Variants in FAM53B observed in about 807,000 individuals in gnomAD.
FAM53B encodes the protein protein FAM53B.
In FAM53B, 12 loss-of-function variants were observed where a neutral mutation model predicts 32.7. That is an observed-to-expected ratio of 0.37 (90% CI 0.24 to 0.59). The LOEUF is 0.59. Ranked by LOEUF, FAM53B falls within the 20% of genes least tolerant of loss-of-function variation. FAM53B has a pLI of 0.72. For missense variants in FAM53B, 477 were observed against 577.7 expected, an observed-to-expected ratio of 0.83 and a Z score of 1.79; for synonymous variants, 234 against 228.7, an observed-to-expected ratio of 1.02 and a Z score of -0.21.
At chr10:124,672,157 T>C (rs754322394) in intron 4 of FAM53B, among the ~76,000 whole-genome samples, 9 of 152,246 alleles carry the variant, frequency 5.9e-5, no homozygotes, top group Non-Finnish European at 1.0e-4. Flanking sequence ...TTCACACTGA[T>C]GGACCCACAA....
Position 124,696,195 on chromosome 10 carries a change from C to T in FAM53B, c.96G>A (p.Met32Ile). ...FSRELHTPKK[M>I]SQGPTLFSCG... is the part of the protein sequence containing the mutation. ...AAGAGAAAAGTGTAGGTCCTTGACT[C>T]ATCTTCTTTGGCGTGTGCTGAAAAC... The change falls in exon 3 of 5, where the codon ATG becomes ATA. Residue 32 changes from methionine to isoleucine, a missense_variant. Met to Ile is a conservative substitution (Grantham distance 10). This residue lies in a region of FAM53B where 312 missense variants were observed against 420.2 expected (regional missense o/e 0.74). Coordinates refer to ENST00000337318, the MANE Select transcript of FAM53B (RefSeq NM_014661.4). The T allele has an allele frequency of 6.2e-7, 1 of 1,614,084 alleles. No homozygotes were observed. Among genetic ancestry groups the T allele is most frequent in the Non-Finnish European group, 8.5e-7 (1 of 1,179,966 alleles).
intron 1 of FAM53B, chr10:124,742,412 G>C (rs1950205205): frequency 6.6e-6 from 1 of 152,150 alleles, no homozygotes; most frequent in Admixed American, 6.5e-5. Context: ...GCCTAATAAG[G>C]AACAGTGAGT....
At chr10:124,691,466 A>C (rs1949832052) in intron 3 of FAM53B, among the ~76,000 whole-genome samples, 1 of 152,262 alleles carries the variant, frequency 6.6e-6, no homozygotes, top group South Asian at 2.1e-4. Flanking sequence ...CTCCTAAAGT[A>C]ATTATGGGTT....
chr10:124,690,530 C>T (rs911391699), intron 3 of FAM53B, among the ~76,000 whole-genome samples: 1 of 152,220 alleles, frequency 6.6e-6, no homozygotes, highest in Non-Finnish European at 1.5e-5. Flanking sequence ...GTCCCCTCCC[C>T]ATCAGGTGAG....
intron 2 of FAM53B, among the ~76,000 whole-genome samples, chr10:124,701,419 G>A (rs76151185): frequency 0.052 from 7,898 of 152,322 alleles, 665 homozygotes; most frequent in African/African-American, 0.18. Context: ...GCAGCCTGGA[G>A]CTCCATGCTG....
intron 4 of FAM53B, among the ~76,000 whole-genome samples, chr10:124,664,574 T>C (rs1949656726): frequency 6.6e-6 from 1 of 152,194 alleles, no homozygotes; most frequent in Non-Finnish European, 1.5e-5. Flanking sequence ...TCTGCGCAGA[T>C]GGCACAAAGC....
intron 4 of FAM53B, among the ~76,000 whole-genome samples, chr10:124,675,525 G>A (rs535635303): frequency 1.1e-4 from 17 of 152,240 alleles, no homozygotes; most frequent in Non-Finnish European, 2.4e-4. Flanking sequence ...CCGTGTGCCA[G>A]ATCCATGCGA....
At chr10:124,740,886 C>T (rs1222480306) in intron 1 of FAM53B, among the ~76,000 whole-genome samples, 1 of 152,178 alleles carries the variant, frequency 6.6e-6, no homozygotes, top group East Asian at 1.9e-4. Context: ...AGCTAAGCTT[C>T]GCTGAGCCCC....
intron 4 of FAM53B, among the ~76,000 whole-genome samples, chr10:124,661,056 TAAAAAA>T (rs57830542): frequency 4.6e-5 from 6 of 130,532 alleles, no homozygotes; most frequent in Admixed American, 7.8e-5. Flanking sequence ...CTACTGAAAT[TAAAAAA>T]AAAAAAAAAA....
At chr10:124,669,350 G>C (rs561786079) in intron 4 of FAM53B, among the ~76,000 whole-genome samples, 2 of 152,274 alleles carry the variant, frequency 1.3e-5, no homozygotes, top group East Asian at 3.9e-4. Flanking sequence ...CAGAACTAAA[G>C]CGCTCTTCCA....
intron 1 of FAM53B, among the ~76,000 whole-genome samples, chr10:124,709,681 T>C (rs1006948047): frequency 6.6e-6 from 1 of 152,090 alleles, no homozygotes; most frequent in African/African-American, 2.4e-5. Flanking sequence ...ATTACGGTGT[T>C]GTTACATAAG....
intron 4 of FAM53B, among the ~76,000 whole-genome samples, chr10:124,679,414 G>A (rs951350046): frequency 6.6e-6 from 1 of 152,200 alleles, no homozygotes; most frequent in African/African-American, 2.4e-5. Context: ...ACTCGCCAGG[G>A]CTCTTGATAA....
chr10:124,667,145 C>T (rs1187807091), intron 4 of FAM53B: 1 of 495,370 alleles, frequency 2.0e-6, no homozygotes, highest in East Asian at 3.7e-5. Context: ...TGTCACCTGA[C>T]ACACCAGTGG....
Position 124,626,635 on chromosome 10 carries a change from C to T in FAM53B, c.907-3031G>A, listed in dbSNP as rs568295887. Among the ~76,000 whole-genome samples, 3 of 152,326 alleles carry T rather than the reference C, an allele frequency of 2.0e-5. No individual in the cohort carries two copies. In the East Asian group the frequency reaches 5.8e-4, roughly 29 times the overall value. On this transcript the variant is annotated intron_variant, in intron 4 of 4. Coordinates refer to ENST00000337318, the MANE Select transcript of FAM53B (RefSeq NM_014661.4). Reference sequence around the variant, plus strand: ...CTTCTAACTAAGAAATACATTTCTGCGGTTTATACGTTCCCCAGTCTAAGG... The same window carrying T: ...CTTCTAACTAAGAAATACATTTCTGTGGTTTATACGTTCCCCAGTCTAAGG...
chr10:124,740,527 A>T (rs967498760), intron 1 of FAM53B, among the ~76,000 whole-genome samples: 1 of 152,222 alleles, frequency 6.6e-6, no homozygotes, highest in Admixed American at 6.5e-5. Flanking sequence ...CAAAGTTCAC[A>T]TCCAGGCAGG....
At chr10:124,714,556 C>T (rs537607399) in intron 1 of FAM53B, among the ~76,000 whole-genome samples, 3 of 151,740 alleles carry the variant, frequency 2.0e-5, no homozygotes, top group Admixed American at 6.6e-5. Flanking sequence ...GTCAGGAGAT[C>T]GAGACCATCC....
chr10:124,702,621 G>A (rs1949922597), intron 2 of FAM53B, among the ~76,000 whole-genome samples: 1 of 152,138 alleles, frequency 6.6e-6, no homozygotes, highest in African/African-American at 2.4e-5. Flanking sequence ...CCCTCCCTGG[G>A]CTCTCTGAGC....
Position 124,692,608 on chromosome 10 carries a change from G to C in FAM53B, c.133+3550C>G, listed in dbSNP as rs958583872. Among the ~76,000 whole-genome samples the C allele has an allele frequency of 2.6e-5, 4 of 151,080 alleles. No individual in the cohort carries two copies. In the East Asian group the frequency reaches 5.9e-4, roughly 22 times the overall value. On this transcript the variant is annotated intron_variant, in intron 3 of 4. Transcript: ENST00000337318. The stretch of plus-strand genomic sequence containing the variant: ...CAGACACCTATAATTCCAGCTACTC[G>C]GGAGGCTGAGGCAGAAGAATCGCTT...
At chr10:124,637,952 C>G (rs1490096943) in intron 4 of FAM53B, among the ~76,000 whole-genome samples, 2 of 152,242 alleles carry the variant, frequency 1.3e-5, no homozygotes, top group African/African-American at 4.8e-5. Flanking sequence ...CACCCAGGAG[C>G]TGGTGGGCCC....
Sources: allele counts gnomAD v4.1 joint callset (sites outside exome capture counted in the v4.1 genomes callset), GRCh38; gene constraint gnomAD v4.1.1; regional missense constraint gnomAD v4.1.1; transcripts MANE v1.5; gene names NCBI Gene and HGNC (gene_info 2026-07-23, HGNC 2026-07-21).